The following SHANK2 variants were observed in gnomAD, a reference collection of about 807,000 sequenced individuals.
The protein encoded by SHANK2 is SH3 and multiple ankyrin repeat domains 2, also known as SH3 and multiple ankyrin repeat domains protein 2.
A neutral mutation model predicts 133.7 loss-of-function variants in SHANK2; 43 were observed. That is an observed-to-expected ratio of 0.32 (90% CI 0.25 to 0.41). The LOEUF is 0.41. Among genes scored for constraint, SHANK2 ranks in the 10% least tolerant of loss-of-function variants. SHANK2 has a pLI of 1.00. For missense variants in SHANK2, 1,994 were observed against 2,235.8 expected (o/e 0.89, Z 2.18); for synonymous variants, 1,017 against 952.8 (o/e 1.07, Z -1.24).
At chr11:70,735,011 T>C (rs61886450) in intron 14 of SHANK2, among the ~76,000 whole-genome samples, 13,830 of 152,234 alleles carry the variant, frequency 0.091, 814 homozygotes, top group South Asian at 0.29. Context: ...GTAGCACATC[T>C]GTGCTCTGTG....
In SHANK2 at chr11:70,807,314, G is replaced by A. The variant is rs1390505337; in HGVS notation, c.1494-143C>T. The A allele has an allele frequency of 1.2e-5, 8 of 642,006 alleles. No individual in the cohort carries two copies. Among genetic ancestry groups the A allele is most frequent in the Admixed American group, 8.1e-5 (3 of 37,058 alleles). The allele number at this position is 642,006 out of a possible 1,614,324, so 39.8% of individuals were successfully genotyped here. A position where few individuals can be genotyped will look rare whatever the true frequency, so the allele number is the denominator to read the frequency against. On this transcript the variant is annotated intron_variant, in intron 12 of 25. Coordinates refer to ENST00000601538, the MANE Select transcript of SHANK2 (RefSeq NM_012309.5). The surrounding 1 kb of genome is among the most constrained non-coding windows in gnomAD (Gnocchi z 4.8). ...AACTCCTGATGCCAGACAGGAAGAT[G>A]GGAACAGGCCGGGGCAGCACTGTGG...
chr11:70,542,916 C>T (rs1176114863), intron 17 of SHANK2, among the ~76,000 whole-genome samples: 3 of 152,184 alleles, frequency 2.0e-5, no homozygotes, highest in African/African-American at 7.2e-5. Context: ...GACTGTCCCC[C>T]CATCTGGAGA....
In SHANK2 at chr11:70,830,137, C is replaced by T. The variant is rs1948705185; in HGVS notation, c.1175-9455G>A. 6.6e-6 allele frequency among the ~76,000 whole-genome samples: 1 copy of T among 152,200 alleles called. No homozygotes were observed. The highest frequency in any genetic ancestry group is 1.9e-4 in the East Asian group (1 of 5,190). On this transcript the variant is annotated intron_variant, in intron 11 of 25. Coordinates refer to ENST00000601538, the MANE Select transcript of SHANK2 (RefSeq NM_012309.5). The surrounding 1 kb of genome is among the most constrained non-coding windows in gnomAD (Gnocchi z 4.4). The stretch of plus-strand genomic sequence containing the variant: ...AGACTCTGCCCCGACAAACGCAAAC[C>T]TTTGTGCAGCCTCCAGGGCAGTTTT...
At chr11:70,494,477 AG>A (rs1313710735) in intron 21 of SHANK2, among the ~76,000 whole-genome samples, 1 of 152,122 alleles carries the variant, frequency 6.6e-6, no homozygotes, top group African/African-American at 2.4e-5. Context: ...TATTTTTAGT[AG>A]AGACGGGGTT....
At chr11:70,820,330 G>A (rs900993332) in intron 12 of SHANK2, 34 bp downstream of exon 12, 35 of 597,838 alleles carry the variant, frequency 5.9e-5, no homozygotes, top group East Asian at 3.5e-4. Context: ...AGCACGTGGC[G>A]GTCTTCCTTC....
intron 14 of SHANK2, among the ~76,000 whole-genome samples, chr11:70,757,674 G>A (rs1209791953): frequency 6.6e-6 from 1 of 152,178 alleles, no homozygotes; most frequent in African/African-American, 2.4e-5. Context: ...AGAGGGAGGG[G>A]GCTTCAGTCT....
chr11:70,485,867 A>T lies in SHANK2; in HGVS notation c.4426T>A (p.Phe1476Ile). The T allele has an allele frequency of 6.2e-7, 1 of 1,614,054 alleles. No individual in the cohort carries two copies. Among genetic ancestry groups the T allele is most frequent in the South Asian group, 1.1e-5 (1 of 91,066 alleles). ...TCAAAGCTTTCAGGGGGTGGCAGGA[A>T]TGAGGCAGGCAGACAGTTTGAAAGA... ...ASLSNCLPAS[F>I]LPPPESFDAV... The change falls in exon 25 of 26, where the codon TTC (phenylalanine) becomes ATC (isoleucine). Residue 1476 changes from phenylalanine (F) to isoleucine (I), a missense_variant. By Grantham distance (21) the Phe-to-Ile change is conservative (BLOSUM62 0). Transcript: ENST00000601538. The surrounding 1 kb of genome is among the most constrained non-coding windows in gnomAD (Gnocchi z 5.8).
chr11:70,768,258 G>A (rs549685545), intron 14 of SHANK2, among the ~76,000 whole-genome samples: 2 of 152,358 alleles, frequency 1.3e-5, no homozygotes, highest in South Asian at 2.1e-4. Flanking sequence ...TGCCAGTGGC[G>A]ATTTACTGAG....
At chr11:70,766,486 G>A (rs781920271) in intron 14 of SHANK2, among the ~76,000 whole-genome samples, 1 of 152,156 alleles carries the variant, frequency 6.6e-6, no homozygotes, top group East Asian at 1.9e-4. Flanking sequence ...ATGGATATTT[G>A]GATTTTTGTG....
At chr11:70,892,505 T>C (rs1340408769) in intron 11 of SHANK2, among the ~76,000 whole-genome samples, 1 of 152,192 alleles carries the variant, frequency 6.6e-6, no homozygotes, top group Non-Finnish European at 1.5e-5. Flanking sequence ...AGCTCTTGTA[T>C]GGTGGAAGGT....
intron 2 of SHANK2, among the ~76,000 whole-genome samples, chr11:71,186,320 A>G (rs1295669758): frequency 6.6e-6 from 1 of 152,190 alleles, no homozygotes; most frequent in African/African-American, 2.4e-5. Context: ...TGGAGTGGAC[A>G]AATGCCGTCT....
chr11:70,927,810 C>T (rs782548150), intron 10 of SHANK2, among the ~76,000 whole-genome samples: 1 of 152,066 alleles, frequency 6.6e-6, no homozygotes, highest in Non-Finnish European at 1.5e-5. Context: ...AGATGCCCTC[C>T]CCAAAGTGGG....
intron 2 of SHANK2, among the ~76,000 whole-genome samples, chr11:71,218,898 AG>A (rs1954474729): frequency 6.6e-6 from 1 of 152,164 alleles, no homozygotes; most frequent in African/African-American, 2.4e-5. Context: ...CCTCTTCTGC[AG>A]CCCCCAGCAG....
At chr11:71,215,090 G>T (rs138797659) in intron 2 of SHANK2, among the ~76,000 whole-genome samples, 1 of 152,130 alleles carries the variant, frequency 6.6e-6, no homozygotes, top group Non-Finnish European at 1.5e-5. Context: ...CAGCCCACAC[G>T]CTCACACCAT....
At chr11:70,494,240 GGTTCCAGGCCTGT>G (rs1404884671) in intron 21 of SHANK2, among the ~76,000 whole-genome samples, 1 of 152,202 alleles carries the variant, frequency 6.6e-6, no homozygotes, top group Non-Finnish European at 1.5e-5. Flanking sequence ...TGAGGGGCCT[GGTTCCAGGCCTGT>G]GTTCCAGACC....
intron 11 of SHANK2, among the ~76,000 whole-genome samples, chr11:70,825,776 AT>A (rs10623914): frequency 6.6e-6 from 1 of 151,354 alleles, no homozygotes; most frequent in African/African-American, 2.4e-5. Context: ...GGAAATGATG[AT>A]TTTTTTTTGT....
intron 10 of SHANK2, chr11:70,943,025 T>C (rs1555084660): frequency 1.1e-5 from 5 of 455,834 alleles, no homozygotes; most frequent in Non-Finnish European, 1.3e-5. Context: ...ACAGAAAAGG[T>C]ACCCAGCAAG....
At chr11:71,152,339 C>T (rs1437005897) in intron 2 of SHANK2, among the ~76,000 whole-genome samples, 24 of 152,182 alleles carry the variant, frequency 1.6e-4, no homozygotes, top group African/African-American at 5.3e-4. Flanking sequence ...GTCTCAAACT[C>T]CTGACCTCAA....
rs1369987209 is a variant in SHANK2, at chr11:70,469,886, C to G, written c.*2983G>C. The G allele has an allele frequency of 1.3e-5, 2 of 152,538 alleles. No individual in the cohort carries two copies. The highest frequency in any genetic ancestry group is 2.9e-5 in the Non-Finnish European group (2 of 68,036). The allele number at this position is 152,538 out of a possible 1,614,324, so 9.4% of individuals were successfully genotyped here. On this transcript the variant is annotated 3_prime_UTR_variant, in exon 26 of 26. Transcript: ENST00000601538. The stretch of plus-strand genomic sequence containing the variant: ...TGCGCAGACACCCTGGAAAAGGTAT[C>G]TTGGCAGGTATACATAATTTACATT...
Sources: gnomAD v4.1 joint callset for allele counts (sites outside exome capture counted in the v4.1 genomes callset) on GRCh38, gnomAD v4.1.1 for gene constraint, Gnocchi (gnomAD v3.1) non-coding constraint, MANE v1.5 for transcripts, NCBI Gene and HGNC (gene_info 2026-07-23, HGNC 2026-07-21) for gene names.